TFAP2B: variants seen among roughly 807,000 people sequenced by gnomAD.
TFAP2B encodes transcription factor AP-2 beta, also known as transcription factor AP-2-beta.
In TFAP2B, 9 loss-of-function variants were observed where a neutral mutation model predicts 44.3. The ratio of observed to expected loss-of-function variants is 0.20; its 90% CI spans 0.12 to 0.35. TFAP2B has a LOEUF of 0.35. Ranked by LOEUF, TFAP2B falls within the 10% of genes least tolerant of loss-of-function variation. The pLI is 1.00. For missense variants in TFAP2B, 509 were observed against 600.0 expected, an observed-to-expected ratio of 0.85 and a Z score of 1.59; for synonymous variants, 270 against 263.8, an observed-to-expected ratio of 1.02 and a Z score of -0.23.
chr6:50,843,332 C>T lies in TFAP2B; in HGVS notation c.1323C>T (p.His441=). 1 of 1,614,008 alleles carries T rather than the reference C, an allele frequency of 6.2e-7. No individual in the cohort carries two copies. Among genetic ancestry groups the T allele is most frequent in the East Asian group, 2.2e-5 (1 of 44,852 alleles). The change falls in exon 7 of 7, where the codon CAC becomes CAT. Residue 441 remains histidine (H), a synonymous_variant. Transcript: ENST00000393655. The part of the protein sequence containing the change: ...MFLNNTTTNR[H]TSGEGPGSKT... ...TGAACAACACCACCACTAACAGGCA[C>T]ACGTCTGGGGAAGGCCCAGGTAGTA...
At position 50,828,608 on chromosome 6, in the gene TFAP2B, T is replaced by C; in HGVS notation, c.541-11T>C. ...CTGTCAATTTGAATAGTGATGTTTT[T>C]ATATTCACAGTCAGTTGAAGATGCC... On this transcript the variant is annotated splice_polypyrimidine_tract_variant and intron_variant, in intron 2 of 6. Transcript: ENST00000393655. 1 of 1,611,422 alleles carries C rather than the reference T, an allele frequency of 6.2e-7. No individual in the cohort carries two copies. The highest frequency in any genetic ancestry group is 8.5e-7 in the Non-Finnish European group (1 of 1,177,560).
In TFAP2B at chr6:50,845,420, A is replaced by T. The variant is rs1367868483; in HGVS notation, c.*2028A>T. 6.6e-6 allele frequency: 1 copy of T among 152,280 alleles called. No homozygotes were observed. The highest frequency in any genetic ancestry group is 1.5e-5 in the Non-Finnish European group (1 of 68,102). 9.4% of individuals were successfully genotyped at this position (152,280 alleles called of 1,614,324 possible). The stretch of plus-strand genomic sequence containing the variant: ...AAAGGGAAGTTAGGAAGCTCGTCTC[A>T]GGTCACCAAAAGGGCCCAAGCAACT... On this transcript the variant is annotated 3_prime_UTR_variant, in exon 7 of 7. Transcript: ENST00000393655.
At chr6:50,824,710 A>G (rs143008129) in intron 2 of TFAP2B, among the ~76,000 whole-genome samples, 95 of 152,306 alleles carry the variant, frequency 6.2e-4, no homozygotes, top group African/African-American at 2.1e-3. Context: ...AAAAGGCTCA[A>G]AACACTCCCC....
chr6:50,821,540 A>G (rs1448500256), intron 1 of TFAP2B, among the ~76,000 whole-genome samples: 2 of 152,142 alleles, frequency 1.3e-5, no homozygotes, highest in East Asian at 3.9e-4. Flanking sequence ...GCCTTATCCA[A>G]AGGAGCAGGG....
In TFAP2B at chr6:50,836,093, A is replaced by T. The variant is rs771909643; in HGVS notation, c.634A>T (p.Met212Leu). ...TCCTCCCAAATCGGTGACTTCTCTA[A>T]TGATGAATAAAGACGGCTTCCTGGG... Reference protein sequence around the residue: ...PVPPKSVTSLMMNKDGFLGGM... With the variant: ...PVPPKSVTSLLMNKDGFLGGM... The change falls in exon 4 of 7, where the codon ATG becomes TTG. Residue 212 changes from methionine (M) to leucine (L), a missense_variant. By Grantham distance (15) the Met-to-Leu change is conservative (BLOSUM62 2). Around this residue, in one of 3 missense-constraint regions of TFAP2B, gnomAD observed 296 missense variants for 308.2 expected, o/e 0.96. Transcript: ENST00000393655. 6.2e-7 allele frequency: 1 copy of T among 1,614,136 alleles called. No homozygotes were observed. Among genetic ancestry groups the T allele is most frequent in the Admixed American group, 1.7e-5 (1 of 60,010 alleles).
At chr6:50,833,906 T>G (rs999959281) in intron 3 of TFAP2B, among the ~76,000 whole-genome samples, 1 of 152,204 alleles carries the variant, frequency 6.6e-6, no homozygotes, top group African/African-American at 2.4e-5. Flanking sequence ...TTCTAAATAG[T>G]ATTTAGAGAT....
chr6:50,829,234 A>G (rs1013422580), intron 3 of TFAP2B, among the ~76,000 whole-genome samples: 4 of 152,176 alleles, frequency 2.6e-5, no homozygotes, highest in Non-Finnish European at 5.9e-5. Flanking sequence ...ACATTTCTAA[A>G]TCTTCCTACA....
chr6:50,830,597 G>A (rs1444488893), intron 3 of TFAP2B, among the ~76,000 whole-genome samples: 2 of 152,150 alleles, frequency 1.3e-5, no homozygotes, highest in Non-Finnish European at 2.9e-5. Context: ...AGAGGGTGTG[G>A]TATGAATATG....
At chr6:50,837,542 A>G (rs566828480) in intron 4 of TFAP2B, among the ~76,000 whole-genome samples, 1 of 152,260 alleles carries the variant, frequency 6.6e-6, no homozygotes, top group African/African-American at 2.4e-5. Context: ...TTCCTCACAA[A>G]GCCCACCTGT....
intron 6 of TFAP2B, 123 bp from the exon 7 acceptor site, chr6:50,842,969 C>G: frequency 7.7e-7 from 1 of 1,302,374 alleles, no homozygotes; most frequent in Non-Finnish European, 1.1e-6. Context: ...AGAGCGGAAT[C>G]GCCCACATTA....
rs1460834483 is a variant in TFAP2B, at chr6:50,843,164, C to T, written c.1155C>T (p.Pro385=). ...CGATAGGGAACAGCCGACCCAGCCC[C>T]ATCCTGGAGCCGGGGATCCAGAGCT... ...RTPIGNSRPS[P]ILEPGIQSCL... Residue 385 remains proline, a synonymous_variant, in exon 7 of 7, where the codon CCC becomes CCT. Transcript: ENST00000393655. 7 of 1,614,278 alleles carry T rather than the reference C, an allele frequency of 4.3e-6. No individual in the cohort carries two copies. Among genetic ancestry groups the T allele is most frequent in the Non-Finnish European group, 5.9e-6 (7 of 1,180,046 alleles).
intron 1 of TFAP2B, among the ~76,000 whole-genome samples, chr6:50,821,049 T>C (rs1250660682): frequency 1.3e-5 from 2 of 152,194 alleles, no homozygotes; most frequent in African/African-American, 4.8e-5. Context: ...GGAAGGAGCC[T>C]ATTTAAGTCT....
chr6:50,832,579 G>A (rs1292055863), intron 3 of TFAP2B, among the ~76,000 whole-genome samples: 1 of 152,094 alleles, frequency 6.6e-6, no homozygotes, highest in Non-Finnish European at 1.5e-5. Flanking sequence ...TAACTTTTAG[G>A]GGCCACTTTG....
At position 50,828,599 on chromosome 6, in the gene TFAP2B, T is replaced by G; in HGVS notation, c.541-20T>G. On this transcript the variant is annotated intron_variant, in intron 2 of 6. Transcript: ENST00000393655. The stretch of plus-strand genomic sequence containing the variant: ...TTTAATATCCTGTCAATTTGAATAG[T>G]GATGTTTTTATATTCACAGTCAGTT... 1 of 1,600,986 alleles carries G rather than the reference T, an allele frequency of 6.2e-7. No individual in the cohort carries two copies. Among genetic ancestry groups the G allele is most frequent in the Non-Finnish European group, 8.6e-7 (1 of 1,168,050 alleles).
intron 6 of TFAP2B, 70 bp from the exon 7 acceptor site, chr6:50,843,022 C>T (rs754681769): frequency 3.5e-5 from 56 of 1,596,770 alleles, no homozygotes; most frequent in Non-Finnish European, 4.6e-5. Flanking sequence ...CTTGTGTGAG[C>T]GTCTCCTTTC....
At chr6:50,838,406 A>G (rs1762663865) in intron 5 of TFAP2B, among the ~76,000 whole-genome samples, 1 of 152,166 alleles carries the variant, frequency 6.6e-6, no homozygotes, top group Admixed American at 6.5e-5. Flanking sequence ...CTCTTGCAAG[A>G]GTAACTCTTT....
intron 3 of TFAP2B, among the ~76,000 whole-genome samples, chr6:50,832,123 G>A (rs953509590): frequency 4.6e-5 from 7 of 152,212 alleles, no homozygotes; most frequent in African/African-American, 1.7e-4. Context: ...TGAACGGTAT[G>A]AGTTTCCTCT....
intron 1 of TFAP2B, 115 bp from the exon 2 acceptor site, chr6:50,823,292 A>G: frequency 2.1e-6 from 2 of 939,212 alleles, no homozygotes; most frequent in Non-Finnish European, 3.4e-6. Context: ...GGGCTTCTCC[A>G]TTTGTCACTT....
chr6:50,828,971 A>G (rs1266182960), intron 3 of TFAP2B, among the ~76,000 whole-genome samples: 1 of 152,342 alleles, frequency 6.6e-6, no homozygotes, highest in East Asian at 1.9e-4. Flanking sequence ...TTGAGCTATC[A>G]TCATGTGTGG....
Sources: allele counts gnomAD v4.1 joint callset (sites outside exome capture counted in the v4.1 genomes callset), GRCh38; gene constraint gnomAD v4.1.1; regional missense constraint gnomAD v4.1.1; transcripts MANE v1.5; gene names NCBI Gene and HGNC (gene_info 2026-07-23, HGNC 2026-07-21).